VAMP4: variants seen among roughly 807,000 people sequenced by gnomAD.
The protein encoded by VAMP4 is vesicle-associated membrane protein 4.
Under a neutral mutation model 23.5 loss-of-function variants are expected in VAMP4, and 19 were observed. The observed-to-expected ratio is 0.81, with a 90% CI of 0.56 to 1.19. The LOEUF is 1.19. Ranked by LOEUF, VAMP4 falls within the 50% of genes most tolerant of loss-of-function variation. VAMP4 has a pLI of 0.00. For synonymous variants in VAMP4, 31 were observed against 51.0 expected, an observed-to-expected ratio of 0.61 and a Z score of 1.67; for missense variants, 145 against 168.6, an observed-to-expected ratio of 0.86 and a Z score of 0.78.
rs986716826 is a variant in VAMP4 at position 171,701,141 on chromosome 1, T to G, written c.*3365A>C. Reference sequence around the variant, plus strand: ...AAACAAGTTAAGAAGTAGAGCACCTTTCAGCCCTTACTACATTCTAAAACA... The same window carrying G: ...AAACAAGTTAAGAAGTAGAGCACCTGTCAGCCCTTACTACATTCTAAAACA... On this transcript the variant is annotated 3_prime_UTR_variant, in exon 8 of 8. Transcript: ENST00000236192. 1.3e-5 allele frequency: 2 copies of G among 152,192 alleles called. No homozygotes were observed. The highest frequency in any genetic ancestry group is 2.9e-5 in the Non-Finnish European group (2 of 68,024). 9.4% of individuals were successfully genotyped at this position (152,192 alleles called of 1,614,324 possible).
rs1237869255 is a variant in VAMP4 at position 171,701,119 on chromosome 1, C to T, written c.*3387G>A. The T allele has an allele frequency of 6.6e-6, 1 of 152,028 alleles. No homozygotes were observed. The highest frequency in any genetic ancestry group is 1.5e-5 in the Non-Finnish European group (1 of 67,984). 9.4% of individuals were successfully genotyped at this position (152,028 alleles called of 1,614,324 possible). On this transcript the variant is annotated 3_prime_UTR_variant, in exon 8 of 8. Transcript: ENST00000236192. ...TCATTTGTCTACAACATGGAAAAAA[C>T]AAGTTAAGAAGTAGAGCACCTTTCA...
Position 171,701,700 on chromosome 1 carries a change from A to ATCT in VAMP4, c.*2803_*2805dup, listed in dbSNP as rs1654459064. The ATCT allele has an allele frequency of 6.6e-6, 1 of 152,134 alleles. No individual in the cohort carries two copies. Among genetic ancestry groups the ATCT allele is most frequent in the Non-Finnish European group, 1.5e-5 (1 of 67,984 alleles). The allele number at this position is 152,134 out of a possible 1,614,324, so 9.4% of individuals were successfully genotyped here. On this transcript the variant is annotated 3_prime_UTR_variant, in exon 8 of 8. Coordinates refer to ENST00000236192, the MANE Select transcript of VAMP4 (RefSeq NM_003762.5). Reference sequence around the variant, plus strand: ...CATGTCTATTAATTACCCTTCCTCCATCTTATATAATATTCCATCTTCAGT... The same window carrying ATCT: ...CATGTCTATTAATTACCCTTCCTCCATCTTCTTATATAATATTCCATCTTCAGT...
intron 3 of VAMP4, among the ~76,000 whole-genome samples, chr1:171,728,202 A>G (rs1269215930): frequency 6.6e-6 from 1 of 152,208 alleles, no homozygotes; most frequent in Non-Finnish European, 1.5e-5. Flanking sequence ...TGAAATGTGA[A>G]TCACCCCTTT....
In VAMP4 at chr1:171,709,673, C is replaced by G; in HGVS notation, c.337G>C (p.Gly113Arg). 6.2e-7 allele frequency: 1 copy of G among 1,613,070 alleles called. No homozygotes were observed. Among genetic ancestry groups the G allele is most frequent in the Non-Finnish European group, 8.5e-7 (1 of 1,179,336 alleles). The change falls in exon 6 of 8, where the codon GGA becomes CGA. Residue 113 changes from glycine (G) to arginine (R), a missense_variant. Coordinates refer to ENST00000236192, the MANE Select transcript of VAMP4 (RefSeq NM_003762.5). Reference protein sequence around the residue: ...KQLRRQMWWRGCKIKAIMALV... With the variant: ...KQLRRQMWWRRCKIKAIMALV... ...GCTTCTGATTTACTTACTTTGCATC[C>G]ACGCCACCACATTTGCCTTCGAAGT...
At chr1:171,735,814 T>C (rs536822214) in intron 2 of VAMP4, among the ~76,000 whole-genome samples, 84 of 152,230 alleles carry the variant, frequency 5.5e-4, no homozygotes, top group Non-Finnish European at 9.8e-4. Flanking sequence ...TTGGTATCAT[T>C]TACTTTAACA....
chr1:171,713,793 A>T (rs921494624), intron 4 of VAMP4, among the ~76,000 whole-genome samples: 6 of 152,186 alleles, frequency 3.9e-5, no homozygotes, highest in Non-Finnish European at 7.3e-5. Flanking sequence ...TGATTGCACC[A>T]CTGCACTTCA....
intron 6 of VAMP4, among the ~76,000 whole-genome samples, chr1:171,707,717 C>T (rs995215979): frequency 1.3e-5 from 2 of 152,020 alleles, no homozygotes; most frequent in East Asian, 1.9e-4. Flanking sequence ...ATTACATGGT[C>T]GATGCTATTC....
rs150474945 is a variant in VAMP4 at position 171,721,382 on chromosome 1, A to C, written c.114-2161T>G. The stretch of plus-strand genomic sequence containing the variant: ...AAAACTGTCTTTATTTGCAGAAAGC[A>C]TAATTGTTCTATGTTGAAAATCCAG... On this transcript the variant is annotated intron_variant, in intron 3 of 7. Transcript: ENST00000236192. 2.1e-3 allele frequency among the ~76,000 whole-genome samples: 321 copies of C among 152,328 alleles called. 2 individuals carry two copies. The highest frequency in any genetic ancestry group is 2.8e-3 in the Admixed American group (43 of 15,280).
rs571653958 is a variant in VAMP4, at chr1:171,736,493, G to C, written c.66+1856C>G. 1.4e-4 allele frequency among the ~76,000 whole-genome samples: 21 copies of C among 152,272 alleles called. No individual in the cohort carries two copies. In the South Asian group the frequency reaches 4.4e-3, roughly 32 times the overall value. ...GGAGGAAAAGATAGGTGACCAAAAT[G>C]GTTGAAACTGCACCAAATGCTAGTA... On this transcript the variant is annotated intron_variant, in intron 2 of 7. Coordinates refer to ENST00000236192, the MANE Select transcript of VAMP4 (RefSeq NM_003762.5).
At chr1:171,737,347 T>C (rs542275016) in intron 2 of VAMP4, among the ~76,000 whole-genome samples, 1 of 152,232 alleles carries the variant, frequency 6.6e-6, no homozygotes, top group African/African-American at 2.4e-5. Flanking sequence ...TAAATATGTA[T>C]TGAGTACTTA....
In VAMP4 at chr1:171,702,207, T is replaced by TAA. The variant is rs529710536; in HGVS notation, c.*2297_*2298dup. ...GCTTATATCTCCAAGGTTACCACAA[T>TAA]AAAGTCATAACCATGCCAGCCATTT... On this transcript the variant is annotated 3_prime_UTR_variant, in exon 8 of 8. Coordinates refer to ENST00000236192, the MANE Select transcript of VAMP4 (RefSeq NM_003762.5). 243 of 152,138 alleles carry TAA rather than the reference T, an allele frequency of 1.6e-3. 1 individual carries two copies. The highest frequency in any genetic ancestry group is 5.5e-3 in the African/African-American group (230 of 41,550). 9.4% of individuals were successfully genotyped at this position (152,138 alleles called of 1,614,324 possible).
intron 3 of VAMP4, among the ~76,000 whole-genome samples, chr1:171,721,531 T>C (rs1655195447): frequency 6.6e-6 from 1 of 152,152 alleles, no homozygotes; most frequent in African/African-American, 2.4e-5. Context: ...TGAAACACCA[T>C]CTGAAATGTC....
At position 171,700,909 on chromosome 1, in the gene VAMP4, T is replaced by G. The variant is rs1654407404; in HGVS notation, c.*3597A>C. ...TTCCTACTGATTTGTTCCAAGAAGC[T>G]TCTTGGAATAAAACAGAAGCCAGAA... is the stretch of plus-strand genomic sequence containing the variant. On this transcript the variant is annotated 3_prime_UTR_variant, in exon 8 of 8. Coordinates refer to ENST00000236192, the MANE Select transcript of VAMP4 (RefSeq NM_003762.5). 6.6e-6 allele frequency: 1 copy of G among 152,108 alleles called. No homozygotes were observed. Among genetic ancestry groups the G allele is most frequent in the Non-Finnish European group, 1.5e-5 (1 of 68,020 alleles). The allele number at this position is 152,108 out of a possible 1,614,324, so 9.4% of individuals were successfully genotyped here.
chr1:171,739,788 A>C (rs1232507275), intron 1 of VAMP4, among the ~76,000 whole-genome samples: 1 of 152,246 alleles, frequency 6.6e-6, no homozygotes, highest in Non-Finnish European at 1.5e-5. Flanking sequence ...ATTTTTTTCT[A>C]TCAAAACAAC....
At chr1:171,729,737 GC>G (rs1321995258) in intron 2 of VAMP4, among the ~76,000 whole-genome samples, 1 of 152,154 alleles carries the variant, frequency 6.6e-6, no homozygotes, top group Non-Finnish European at 1.5e-5. Context: ...TCGGCTCACT[GC>G]AACCTCCACC....
chr1:171,737,367 T>C (rs1169050809), intron 2 of VAMP4, among the ~76,000 whole-genome samples: 10 of 152,240 alleles, frequency 6.6e-5, no homozygotes, highest in Non-Finnish European at 1.0e-4. Context: ...ATTCTAAAAG[T>C]AATCTGCCTA....
intron 1 of VAMP4, among the ~76,000 whole-genome samples, chr1:171,741,585 C>G (rs1056946093): frequency 4.6e-5 from 7 of 151,628 alleles, no homozygotes; most frequent in Non-Finnish European, 1.0e-4. Context: ...CCCCATTGTA[C>G]CCCCTGGAAT....
Position 171,700,200 on chromosome 1 carries a change from T to C in VAMP4, c.*4306A>G, listed in dbSNP as rs2124828528. ...AAATAGTTTATTTCATTGTTCACTATGGAGGGGCTACAAATACACTTCTGA... is the reference window on the plus strand; with the variant it reads ...AAATAGTTTATTTCATTGTTCACTACGGAGGGGCTACAAATACACTTCTGA... On this transcript the variant is annotated 3_prime_UTR_variant, in exon 8 of 8. Transcript: ENST00000236192. The C allele has an allele frequency of 6.6e-6, 1 of 152,322 alleles. No homozygotes were observed. Among genetic ancestry groups the C allele is most frequent in the Non-Finnish European group, 1.5e-5 (1 of 68,030 alleles). The allele number at this position is 152,322 out of a possible 1,614,324, so 9.4% of individuals were successfully genotyped here. A position where few individuals can be genotyped will look rare whatever the true frequency, so the allele number is the denominator to read the frequency against.
rs772719494 is a variant in VAMP4, at chr1:171,738,450, A to G, written c.-36T>C. 1.3e-6 allele frequency: 2 copies of G among 1,595,550 alleles called. No individual in the cohort carries two copies. Among genetic ancestry groups the G allele is most frequent in the Non-Finnish European group, 1.7e-6 (2 of 1,164,100 alleles). ...TGCAAAGTATCTTTTGCTTCTCAAC[A>G]GGATAGTCACCACCTTAAAGAGAAA... On this transcript the variant is annotated 5_prime_UTR_variant, in exon 2 of 8. Transcript: ENST00000236192.
Sources: allele counts gnomAD v4.1 joint callset (sites outside exome capture counted in the v4.1 genomes callset), GRCh38; gene constraint gnomAD v4.1.1; transcripts MANE v1.5; gene names NCBI Gene and HGNC (gene_info 2026-07-23, HGNC 2026-07-21).